PATJ: variants seen among roughly 807,000 people sequenced by gnomAD.
PATJ encodes inaD-like protein.
A neutral mutation model predicts 224.9 loss-of-function variants in PATJ; 190 were observed. That is an observed-to-expected ratio of 0.84 (90% CI 0.75 to 0.95). The LOEUF (loss-of-function observed/expected upper bound fraction) is 0.95. PATJ is among the 40% of genes least tolerant of loss of function. PATJ has a pLI of 0.00. For synonymous variants in PATJ, 769 were observed against 820.3 expected (o/e 0.94, Z 1.07); for missense variants, 2,121 against 2,270.3 (o/e 0.93, Z 1.34).
At chr1:62,015,315 G>A (rs922736191) in intron 28 of PATJ, among the ~76,000 whole-genome samples, 2 of 151,574 alleles carry the variant, frequency 1.3e-5, no homozygotes, top group African/African-American at 4.8e-5. Context: ...AAAAAAAAAA[G>A]AAAGAAACGT....
intron 41 of PATJ, among the ~76,000 whole-genome samples, chr1:62,141,681 A>T (rs537389388): frequency 0.035 from 5,246 of 151,646 alleles, 165 homozygotes; most frequent in South Asian, 0.13. Context: ...TCTCAAAAAA[A>T]AAAAAAATAC....
At chr1:61,867,645 C>T (rs1488298842) in intron 20 of PATJ, among the ~76,000 whole-genome samples, 1 of 150,770 alleles carries the variant, frequency 6.6e-6, no homozygotes, top group Non-Finnish European at 1.5e-5. Context: ...CCCAAACCAG[C>T]ATTGAGTAAG....
intron 7 of PATJ, among the ~76,000 whole-genome samples, chr1:61,780,113 A>C (rs1475478797): frequency 1.3e-5 from 2 of 152,182 alleles, no homozygotes. Flanking sequence ...CAAACATCCA[A>C]ACTGTAGCAA....
chr1:62,022,587 T>G (rs1647148692), intron 29 of PATJ, among the ~76,000 whole-genome samples: 1 of 152,222 alleles, frequency 6.6e-6, no homozygotes, highest in African/African-American at 2.4e-5. Context: ...TATTTGGCAG[T>G]GCAGGGATCC....
At chr1:62,110,386 C>T (rs745664082) in intron 34 of PATJ, among the ~76,000 whole-genome samples, 21 of 152,146 alleles carry the variant, frequency 1.4e-4, no homozygotes, top group Admixed American at 5.2e-4. Flanking sequence ...TATTTTGAGA[C>T]CATGAAACAG....
At chr1:61,894,782 T>A (rs1009309731) in intron 22 of PATJ, among the ~76,000 whole-genome samples, 3 of 152,224 alleles carry the variant, frequency 2.0e-5, no homozygotes, top group African/African-American at 7.2e-5. Flanking sequence ...GAAGCGACTT[T>A]GGAACTGGCT....
At chr1:61,976,081 T>G (rs1014923693) in intron 27 of PATJ, among the ~76,000 whole-genome samples, 3 of 152,052 alleles carry the variant, frequency 2.0e-5, no homozygotes, top group African/African-American at 7.3e-5. Context: ...GCTGCAGCCA[T>G]GCTTCCTAAG....
At chr1:61,838,445 C>A (rs1660548103) in intron 17 of PATJ, among the ~76,000 whole-genome samples, 1 of 151,700 alleles carries the variant, frequency 6.6e-6, no homozygotes, top group South Asian at 2.1e-4. Context: ...AGCTCCACCT[C>A]CCGGGTTCAC....
intron 26 of PATJ, among the ~76,000 whole-genome samples, chr1:61,918,690 T>A (rs1281446529): frequency 6.6e-6 from 1 of 152,132 alleles, no homozygotes; most frequent in Admixed American, 6.5e-5. Context: ...TGGCCAGGCC[T>A]GGTGGCTCAC....
At chr1:61,769,478 T>C (rs961585781) in intron 5 of PATJ, 56 bp downstream of exon 5, 37 of 1,533,496 alleles carry the variant, frequency 2.4e-5, no homozygotes, top group African/African-American at 4.2e-5. Flanking sequence ...TTCTGAAAAC[T>C]ATTATAAAGA....
At chr1:61,866,753 C>T (rs758059935) in intron 20 of PATJ, among the ~76,000 whole-genome samples, 7 of 151,902 alleles carry the variant, frequency 4.6e-5, no homozygotes, top group South Asian at 2.1e-4. Context: ...AAAATTTGAG[C>T]GAATCCATAG....
chr1:61,776,239 C>G (rs575761696), intron 7 of PATJ, among the ~76,000 whole-genome samples: 9 of 152,194 alleles, frequency 5.9e-5, no homozygotes, highest in Non-Finnish European at 1.3e-4. Flanking sequence ...GTCTGTGGGC[C>G]TCTGGAGGGC....
At chr1:61,929,224 T>C (rs1433888756) in intron 27 of PATJ, among the ~76,000 whole-genome samples, 1 of 152,272 alleles carries the variant, frequency 6.6e-6, no homozygotes, top group African/African-American at 2.4e-5. Context: ...CCATACATTC[T>C]GGTTTCCTAG....
intron 43 of PATJ, among the ~76,000 whole-genome samples, chr1:62,159,752 C>T (rs146350237): frequency 5.4e-4 from 82 of 152,060 alleles, no homozygotes; most frequent in Non-Finnish European, 9.3e-4. Context: ...CCATGTTGCC[C>T]AGGCTGGTCT....
In PATJ at chr1:62,017,853, C is replaced by A. The variant is rs766158624; in HGVS notation, c.3868-3C>A. 3 of 1,575,578 alleles carry A rather than the reference C, an allele frequency of 1.9e-6. No homozygotes were observed. The highest frequency in any genetic ancestry group is 2.6e-6 in the Non-Finnish European group (3 of 1,146,616). On this transcript the variant is annotated splice_region_variant and splice_polypyrimidine_tract_variant and intron_variant, in intron 28 of 43. Coordinates refer to ENST00000642238, the MANE Select transcript of PATJ (RefSeq NM_001350145.3). The stretch of plus-strand genomic sequence containing the variant: ...TTAGTACATTGTGGTTTTTCCCAAA[C>A]AGATAAACAATCAGATTCTGTATGG...
intron 31 of PATJ, among the ~76,000 whole-genome samples, chr1:62,074,978 A>G (rs1214202983): frequency 6.6e-6 from 1 of 152,152 alleles, no homozygotes; most frequent in Non-Finnish European, 1.5e-5. Flanking sequence ...ACAAACACAC[A>G]AACAAAACTT....
At chr1:62,038,727 C>T in intron 30 of PATJ, 1 of 342,270 alleles carries the variant, frequency 2.9e-6, no homozygotes, top group Non-Finnish European at 5.5e-6. Flanking sequence ...CTACAGTAAA[C>T]ATAAATAGCT....
chr1:62,082,838 A>G (rs1416736485), intron 32 of PATJ, among the ~76,000 whole-genome samples: 4 of 152,100 alleles, frequency 2.6e-5, no homozygotes, highest in Admixed American at 2.6e-4. Flanking sequence ...TCCGCGAGCT[A>G]TAGTCCGCTG....
At chr1:61,823,686 C>A (rs991051867) in intron 15 of PATJ, among the ~76,000 whole-genome samples, 6 of 152,172 alleles carry the variant, frequency 3.9e-5, no homozygotes, top group Admixed American at 6.5e-5. Flanking sequence ...TCAATAGAAT[C>A]AACCTAGTAG....
Sources: allele counts gnomAD v4.1 joint callset (sites outside exome capture counted in the v4.1 genomes callset), GRCh38; gene constraint gnomAD v4.1.1; transcripts MANE v1.5; gene names NCBI Gene and HGNC (gene_info 2026-07-23, HGNC 2026-07-21).